Variants in FAF1 observed in about 807,000 individuals in gnomAD.
FAF1 encodes FAS-associated factor 1.
In FAF1, 25 loss-of-function variants were observed where a neutral mutation model predicts 92.5. The ratio of observed to expected loss-of-function variants is 0.27; its 90% CI spans 0.20 to 0.38. The LOEUF (loss-of-function observed/expected upper bound fraction) is 0.38, where lower values mean the gene tolerates loss of function less well. Ranked by LOEUF, FAF1 falls within the 10% of genes least tolerant of loss-of-function variation. FAF1 has a pLI of 1.00. For synonymous variants in FAF1, 234 were observed against 273.2 expected (o/e 0.86, Z 1.42); for missense variants, 636 against 793.3 (o/e 0.80, Z 2.38).
chr1:50,602,156 A>G (rs1159919425), intron 8 of FAF1, among the ~76,000 whole-genome samples: 2 of 152,222 alleles, frequency 1.3e-5, no homozygotes, highest in African/African-American at 4.8e-5. Context: ...CGAGATTCAA[A>G]CTACAGCTTT....
chr1:50,690,674 T>A (rs952291421), intron 7 of FAF1, among the ~76,000 whole-genome samples: 1 of 152,180 alleles, frequency 6.6e-6, no homozygotes, highest in Non-Finnish European at 1.5e-5. Flanking sequence ...ATATTTAAAA[T>A]GCATTGTGCT....
At chr1:50,497,888 A>AT (rs1646920780) in intron 15 of FAF1, among the ~76,000 whole-genome samples, 2 of 152,000 alleles carry the variant, frequency 1.3e-5, no homozygotes, top group South Asian at 4.2e-4. Flanking sequence ...TCTCAATGCC[A>AT]TTTTTTACAG....
intron 7 of FAF1, among the ~76,000 whole-genome samples, chr1:50,700,762 T>C (rs752447259): frequency 1.8e-4 from 28 of 152,228 alleles, no homozygotes; most frequent in Non-Finnish European, 3.8e-4. Context: ...ATTCTTAAAA[T>C]GTCATTGCTT....
chr1:50,582,467 A>G (rs1457812441), intron 12 of FAF1, 151 bp downstream of exon 12: 10 of 602,142 alleles, frequency 1.7e-5, no homozygotes. Context: ...AGCATGGCCC[A>G]TGCACAATGA....
chr1:50,448,955 T>C (rs1403144927), intron 18 of FAF1, among the ~76,000 whole-genome samples: 9 of 140,506 alleles, frequency 6.4e-5, no homozygotes, highest in East Asian at 2.0e-4. Flanking sequence ...TTTTTTTTTT[T>C]CAAAGTCTGT....
At chr1:50,644,841 G>C (rs1430667507) in intron 8 of FAF1, among the ~76,000 whole-genome samples, 2 of 152,188 alleles carry the variant, frequency 1.3e-5, no homozygotes, top group African/African-American at 4.8e-5. Flanking sequence ...TTAATAAACT[G>C]AAATCAAGAC....
At chr1:50,596,906 A>G (rs1349865663) in intron 8 of FAF1, among the ~76,000 whole-genome samples, 1 of 152,224 alleles carries the variant, frequency 6.6e-6, no homozygotes, top group African/African-American at 2.4e-5. Context: ...GCAAGTATTA[A>G]AAGTCCTTAT....
intron 4 of FAF1, among the ~76,000 whole-genome samples, chr1:50,762,171 T>G (rs1045818574): frequency 2.2e-4 from 34 of 152,132 alleles, no homozygotes; most frequent in Non-Finnish European, 4.1e-4. Context: ...TACAAACCAC[T>G]GCTCAGTGAA....
At chr1:50,713,248 A>AGTAAGAAATAATGAAACC (rs2124439122) in intron 6 of FAF1, among the ~76,000 whole-genome samples, 1 of 148,504 alleles carries the variant, frequency 6.7e-6, no homozygotes, top group Admixed American at 6.6e-5. Flanking sequence ...ATAATGAAAC[A>AGTAAGAAATAATGAAACC]GTTAAAAAAA....
At chr1:50,929,071 C>T (rs1398350056) in intron 1 of FAF1, among the ~76,000 whole-genome samples, 1 of 36,856 alleles carries the variant, frequency 2.7e-5, no homozygotes, top group African/African-American at 1.2e-4. Context: ...GACACTGTCT[C>T]AAAAAAAAAA....
intron 2 of FAF1, among the ~76,000 whole-genome samples, chr1:50,805,071 A>G (rs1480169744): frequency 1.3e-5 from 2 of 152,258 alleles, no homozygotes; most frequent in Non-Finnish European, 2.9e-5. Context: ...AAGATATTAT[A>G]TCTCTCACTC....
intron 2 of FAF1, among the ~76,000 whole-genome samples, chr1:50,825,781 A>G (rs1397892597): frequency 6.6e-6 from 1 of 152,170 alleles, no homozygotes; most frequent in Admixed American, 6.5e-5. Flanking sequence ...AATAAAGCAA[A>G]TATCAATGAA....
In FAF1 at chr1:50,490,670, T is replaced by A; in HGVS notation, c.1576-5A>T. On this transcript the variant is annotated splice_region_variant and splice_polypyrimidine_tract_variant and intron_variant, in intron 16 of 18. Transcript: ENST00000396153. The stretch of plus-strand genomic sequence containing the variant: ...CTCTCTCTCGTGAGCTTCCCTCTGT[T>A]GATAAAACAGAAAAGGAACAAGCAC... The A allele has an allele frequency of 6.3e-7, 1 of 1,594,430 alleles. No homozygotes were observed. Among genetic ancestry groups the A allele is most frequent in the Non-Finnish European group, 8.6e-7 (1 of 1,162,138 alleles).
intron 1 of FAF1, among the ~76,000 whole-genome samples, chr1:50,874,935 A>C (rs992459890): frequency 4.6e-5 from 7 of 151,312 alleles, no homozygotes. Flanking sequence ...ATGCCCAGCT[A>C]ATCTTTGTTT....
At chr1:50,812,886 C>T (rs1643930337) in intron 2 of FAF1, among the ~76,000 whole-genome samples, 2 of 152,148 alleles carry the variant, frequency 1.3e-5, no homozygotes, top group Non-Finnish European at 2.9e-5. Context: ...AATAACTACC[C>T]AGCCATAAAA....
At chr1:50,542,120 A>G (rs1181650334) in intron 13 of FAF1, among the ~76,000 whole-genome samples, 1 of 152,194 alleles carries the variant, frequency 6.6e-6, no homozygotes, top group African/African-American at 2.4e-5. Context: ...CAACCAGCTG[A>G]CACTTTATGG....
chr1:50,744,761 T>A lies in FAF1; in HGVS notation c.382A>T (p.Ile128Phe). 4 of 1,595,894 alleles carry A rather than the reference T, an allele frequency of 2.5e-6. No homozygotes were observed. Among genetic ancestry groups the A allele is most frequent in the Non-Finnish European group, 3.4e-6 (4 of 1,166,964 alleles). Residue 128 changes from isoleucine (I) to phenylalanine (F), a missense_variant, in exon 5 of 19, where the codon ATT (isoleucine) becomes TTT (phenylalanine). Physicochemically the swap from Ile to Phe is conservative, Grantham distance 21. Transcript: ENST00000396153. ...GGTATCTGAAGTTCATTTTCTAGAA[T>A]CTGTTTAATCTCTCCTGTATAAATA... ...DTCTVGEIKQILENELQIPVS... is the reference protein window; with the variant it reads ...DTCTVGEIKQFLENELQIPVS...
chr1:50,901,638 G>C (rs1644797315), intron 1 of FAF1, among the ~76,000 whole-genome samples: 1 of 152,148 alleles, frequency 6.6e-6, no homozygotes, highest in African/African-American at 2.4e-5. Context: ...AGCCAAGGCA[G>C]GTGGATCACT....
At chr1:50,612,301 TCTTCA>T in intron 8 of FAF1, 1 of 1,125,392 alleles carries the variant, frequency 8.9e-7, no homozygotes, top group Non-Finnish European at 1.2e-6. Context: ...CAAGACGAAA[TCTTCA>T]GTTACAATGA....
Sources: allele counts gnomAD v4.1 joint callset (sites outside exome capture counted in the v4.1 genomes callset), GRCh38; gene constraint gnomAD v4.1.1; transcripts MANE v1.5; gene names NCBI Gene and HGNC (gene_info 2026-07-23, HGNC 2026-07-21).